Variants in SORL1 observed in about 807,000 individuals in gnomAD.
SORL1 encodes the protein sortilin-related receptor.
In SORL1, 127 loss-of-function variants were observed where a neutral mutation model predicts 273.7. The ratio of observed to expected loss-of-function variants is 0.46; its 90% CI spans 0.40 to 0.54. The LOEUF (loss-of-function observed/expected upper bound fraction) is 0.54. Ranked by LOEUF, SORL1 falls within the 20% of genes least tolerant of loss-of-function variation. The probability of loss-of-function intolerance (pLI) is 0.00; values close to 1 mark genes in which losing one functional copy is unlikely to be tolerated. For synonymous variants in SORL1, 1,031 were observed against 1,067.4 expected (o/e 0.97, Z 0.66); for missense variants, 2,494 against 2,846.1 (o/e 0.88, Z 2.81).
rs1863721220 is a variant in SORL1, at chr11:121,621,321, A to G, written c.6064+83A>G. 6 of 1,273,578 alleles carry G rather than the reference A, an allele frequency of 4.7e-6. No individual in the cohort carries two copies. In the East Asian group the frequency reaches 7.0e-5, roughly 15 times the overall value. The allele number at this position is 1,273,578 out of a possible 1,614,324, so 78.9% of individuals were successfully genotyped here. ...CTAGACCTCCAGAGACAGACTTTTC[A>G]TTAGGCGTTTGTTTCACAGGGAGTG... On this transcript the variant is annotated intron_variant, in intron 44 of 47. Transcript: ENST00000260197.
chr11:121,490,187 C>A, intron 5 of SORL1, 77 bp downstream of exon 5: 1 of 935,906 alleles, frequency 1.1e-6, no homozygotes, highest in Non-Finnish European at 1.8e-6. Flanking sequence ...GGTGGACAAA[C>A]TGCCCTCCCC....
rs964684525 is a variant in SORL1, at chr11:121,621,258, G to C, written c.6064+20G>C. The C allele has an allele frequency of 3.7e-6, 6 of 1,609,482 alleles. No individual in the cohort carries two copies. In the Admixed American group the frequency reaches 6.7e-5, roughly 18 times the overall value. On this transcript the variant is annotated intron_variant, in intron 44 of 47. Transcript: ENST00000260197. ...CCACAGGTAAGCAGGAGAGAGGTTA[G>C]AGGTCTTCTCACACAGCCTGCCCTC...
At chr11:121,492,806 ATTT>A (rs34141065) in intron 5 of SORL1, among the ~76,000 whole-genome samples, 1 of 140,338 alleles carries the variant, frequency 7.1e-6, no homozygotes, top group African/African-American at 2.6e-5. Context: ...CTTAAGGGTC[ATTT>A]TTTTTTTTTT....
chr11:121,477,956 C>G (rs1406248860), intron 2 of SORL1, among the ~76,000 whole-genome samples, 162 bp from the exon 3 acceptor site: 1 of 150,740 alleles, frequency 6.6e-6, no homozygotes, highest in Admixed American at 6.6e-5. Flanking sequence ...CGCTTGAACC[C>G]GGGAGGCAGA....
At chr11:121,530,414 A>G (rs549307891) in intron 11 of SORL1, among the ~76,000 whole-genome samples, 1 of 152,284 alleles carries the variant, frequency 6.6e-6, no homozygotes, top group African/African-American at 2.4e-5. Flanking sequence ...TGTTTATTGG[A>G]TAGAGAATTC....
intron 21 of SORL1, among the ~76,000 whole-genome samples, chr11:121,561,743 G>A (rs1174871101): frequency 1.4e-5 from 2 of 148,128 alleles, no homozygotes; most frequent in African/African-American, 5.0e-5. Flanking sequence ...GTAGAACACA[G>A]ACCTGGACCT....
At chr11:121,606,281 T>C (rs1008400774) in intron 35 of SORL1, among the ~76,000 whole-genome samples, 1 of 152,196 alleles carries the variant, frequency 6.6e-6, no homozygotes, top group Admixed American at 6.5e-5. Context: ...GTTCCTCGCC[T>C]CCTCCCTACT....
At chr11:121,458,817 C>G (rs1860947281) in intron 1 of SORL1, among the ~76,000 whole-genome samples, 1 of 152,170 alleles carries the variant, frequency 6.6e-6, no homozygotes, top group Non-Finnish European at 1.5e-5. Flanking sequence ...TTTGAGTTTC[C>G]TCCTGTGTTA....
chr11:121,463,339 T>G (rs180946900), intron 1 of SORL1, among the ~76,000 whole-genome samples: 1 of 152,252 alleles, frequency 6.6e-6, no homozygotes, highest in East Asian at 1.9e-4. Context: ...TTCTTTTTAG[T>G]AGGGAGCCCC....
intron 18 of SORL1, 103 bp downstream of exon 18, chr11:121,555,421 C>T: frequency 7.0e-7 from 1 of 1,438,078 alleles, no homozygotes; most frequent in South Asian, 1.3e-5. Context: ...TCAGATTACT[C>T]AGGAAATTTA....
chr11:121,453,248 G>A (rs1246960905), intron 1 of SORL1, among the ~76,000 whole-genome samples: 3 of 152,132 alleles, frequency 2.0e-5, no homozygotes, highest in South Asian at 2.1e-4. Context: ...TTATTTTGGA[G>A]AGGAATACCC....
At position 121,586,213 on chromosome 11, in the gene SORL1, C is replaced by A. The variant is rs373784358; in HGVS notation, c.3707-9C>A. 4.4e-6 allele frequency: 7 copies of A among 1,603,034 alleles called. No individual in the cohort carries two copies. The African/African-American group carries it at 8.0e-5, about 18-fold the overall frequency. On this transcript the variant is annotated splice_polypyrimidine_tract_variant and intron_variant, in intron 26 of 47. Coordinates refer to ENST00000260197, the MANE Select transcript of SORL1 (RefSeq NM_003105.6). ...CGTCATTCTTCTGTGTTGTTGAATT[C>A]TATTTCAGAGAAGAAGTGCAATGGA...
intron 6 of SORL1, among the ~76,000 whole-genome samples, chr11:121,502,023 A>C (rs549220893): frequency 6.6e-6 from 1 of 151,612 alleles, no homozygotes; most frequent in South Asian, 2.1e-4. Flanking sequence ...TGTTACAAAC[A>C]GTGCTGCTGT....
chr11:121,607,577 C>G (rs137881728), intron 37 of SORL1, among the ~76,000 whole-genome samples: 3 of 152,310 alleles, frequency 2.0e-5, no homozygotes, highest in Non-Finnish European at 4.4e-5. Flanking sequence ...AGCTCCTATA[C>G]TTTTGCAGTC....
intron 12 of SORL1, among the ~76,000 whole-genome samples, chr11:121,542,557 A>G (rs1480721589): frequency 6.6e-6 from 1 of 152,084 alleles, no homozygotes; most frequent in African/African-American, 2.4e-5. Context: ...AGGATGTGTT[A>G]TTCTCAATGC....
At chr11:121,572,975 T>C (rs749582995) in intron 23 of SORL1, among the ~76,000 whole-genome samples, 1 of 152,174 alleles carries the variant, frequency 6.6e-6, no homozygotes, top group Non-Finnish European at 1.5e-5. Flanking sequence ...CAGCATTCTG[T>C]TCTGCCACAT....
Position 121,558,627 on chromosome 11 carries a change from TG to T in SORL1, c.2703del (p.Ile902PhefsTer19), listed in dbSNP as rs34709916. ...GGACAGACTGGGGAGACCTGAAGCC[TG>T]GGATTTATCGGAGCAATATGGATGG... ...FWTDWGDLKP[G>X]IYRSNMDGSA... On this transcript the variant is annotated frameshift_variant, in exon 20 of 48. Coordinates refer to ENST00000260197, the MANE Select transcript of SORL1 (RefSeq NM_003105.6). LOFTEE classifies it high-confidence loss of function. 1 of 1,614,144 alleles carries T rather than the reference TG, an allele frequency of 6.2e-7. No homozygotes were observed. Among genetic ancestry groups the T allele is most frequent in the Non-Finnish European group, 8.5e-7 (1 of 1,180,024 alleles).
At chr11:121,460,928 C>T (rs2134768867) in intron 1 of SORL1, among the ~76,000 whole-genome samples, 1 of 152,236 alleles carries the variant, frequency 6.6e-6, no homozygotes, top group Non-Finnish European at 1.5e-5. Flanking sequence ...GACAGTTCCA[C>T]CTGTCTCTGC....
At chr11:121,485,150 T>C (rs889134570) in intron 3 of SORL1, among the ~76,000 whole-genome samples, 1 of 151,862 alleles carries the variant, frequency 6.6e-6, no homozygotes, top group African/African-American at 2.4e-5. Context: ...TATATGAGCG[T>C]AGGGAGTGGG....
Sources: gnomAD v4.1 joint callset for allele counts (sites outside exome capture counted in the v4.1 genomes callset) on GRCh38, gnomAD v4.1.1 for gene constraint, MANE v1.5 for transcripts, NCBI Gene and HGNC (gene_info 2026-07-23, HGNC 2026-07-21) for gene names.